Variants in BLOC1S2 observed in about 807,000 individuals in gnomAD.
The protein encoded by BLOC1S2 is biogenesis of lysosome-related organelles complex 1 subunit 2.
A neutral mutation model predicts 19.6 loss-of-function variants in BLOC1S2; 12 were observed. The ratio of observed to expected loss-of-function variants is 0.61; its 90% CI spans 0.39 to 0.99. The LOEUF is 0.99. BLOC1S2 is among the 50% of genes least tolerant of loss of function. BLOC1S2 has a pLI of 0.00. For synonymous variants in BLOC1S2, 66 were observed against 64.1 expected (o/e 1.03, Z -0.14); for missense variants, 142 against 171.0 (o/e 0.83, Z 0.95).
chr10:100,273,386 T>TA lies in BLOC1S2; in HGVS notation c.*2075dup, dbSNP rs1462590049. 1 of 152,126 alleles carries TA rather than the reference T, an allele frequency of 6.6e-6. No individual in the cohort carries two copies. The highest frequency in any genetic ancestry group is 2.4e-5 in the African/African-American group (1 of 41,430). 9.4% of individuals were successfully genotyped at this position (152,126 alleles called of 1,614,324 possible). On this transcript the variant is annotated 3_prime_UTR_variant, in exon 5 of 5. Transcript: ENST00000370372. ...AATACATACATCTATTACACATCAA[T>TA]AAAAAAACTCATCCATTAAATTCTG... is the stretch of plus-strand genomic sequence containing the variant.
At chr10:100,276,202 A>C (rs943166264) in intron 4 of BLOC1S2, among the ~76,000 whole-genome samples, 5 of 152,216 alleles carry the variant, frequency 3.3e-5, no homozygotes, top group Admixed American at 2.0e-4. Flanking sequence ...AGCCTACTAC[A>C]AACTACTTTC....
At position 100,275,229 on chromosome 10, in the gene BLOC1S2, T is replaced by C. The variant is rs535904434; in HGVS notation, c.*233A>G. 2.2e-6 allele frequency: 1 copy of C among 464,456 alleles called. No individual in the cohort carries two copies. Among genetic ancestry groups the C allele is most frequent in the Non-Finnish European group, 3.8e-6 (1 of 260,800 alleles). 28.8% of individuals were successfully genotyped at this position (464,456 alleles called of 1,614,324 possible). ...TCTCTGTCCTGAATATGGCAAAGCA[T>C]TCAAGTAAAAGGTAGGAAGTTATAA... is the stretch of plus-strand genomic sequence containing the variant. On this transcript the variant is annotated 3_prime_UTR_variant, in exon 5 of 5. Coordinates refer to ENST00000370372, the MANE Select transcript of BLOC1S2 (RefSeq NM_173809.5).
rs1848066720 is a variant in BLOC1S2 at position 100,280,134 on chromosome 10, T to C, written c.387A>G (p.Ser129=). ...EQAAYKLDAY[S]KKLEAKYKKL... ...AGTAAAAACGGTTACCCAGTTTTTTTGAATATGCATCCAACTTGTAAGCTG... is the reference window on the plus strand; with the variant it reads ...AGTAAAAACGGTTACCCAGTTTTTTCGAATATGCATCCAACTTGTAAGCTG... Residue 129 remains serine (S), a synonymous_variant, in exon 4 of 5, where the codon TCA becomes TCG. Transcript: ENST00000370372. The C allele has an allele frequency of 6.2e-7, 1 of 1,613,216 alleles. No individual in the cohort carries two copies. The highest frequency in any genetic ancestry group is 1.1e-5 in the South Asian group (1 of 90,800).
intron 4 of BLOC1S2, among the ~76,000 whole-genome samples, chr10:100,275,895 T>C (rs1847836698): frequency 1.3e-5 from 2 of 152,242 alleles, no homozygotes; most frequent in African/African-American, 4.8e-5. Context: ...TCCTGTATGT[T>C]CTTATCCTTA....
chr10:100,285,217 G>A (rs1458665712), intron 2 of BLOC1S2, among the ~76,000 whole-genome samples: 4 of 152,120 alleles, frequency 2.6e-5, no homozygotes, highest in Non-Finnish European at 5.9e-5. Flanking sequence ...TTGAGATGCT[G>A]TACTGGACCA....
chr10:100,280,355 G>C lies in BLOC1S2; in HGVS notation c.293-127C>G. ...TAAGACAGATTAGGTGGCGTGACAT[G>C]ATTCTGAGCACTAGCAGGGCAGATG... On this transcript the variant is annotated intron_variant, in intron 3 of 4. Coordinates refer to ENST00000370372, the MANE Select transcript of BLOC1S2 (RefSeq NM_173809.5). 3 of 762,700 alleles carry C rather than the reference G, an allele frequency of 3.9e-6. No homozygotes were observed. The South Asian group carries it at 7.0e-5, about 18-fold the overall frequency. 47.2% of individuals were successfully genotyped at this position (762,700 alleles called of 1,614,324 possible).
rs868081414 is a variant in BLOC1S2, at chr10:100,273,869, G to A, written c.*1593C>T. 2.6e-5 allele frequency: 4 copies of A among 151,820 alleles called. No homozygotes were observed. Among genetic ancestry groups the A allele is most frequent in the Admixed American group, 6.6e-5 (1 of 15,238 alleles). 9.4% of individuals were successfully genotyped at this position (151,820 alleles called of 1,614,324 possible). A position where few individuals can be genotyped will look rare whatever the true frequency, so the allele number is the denominator to read the frequency against. On this transcript the variant is annotated 3_prime_UTR_variant, in exon 5 of 5. Transcript: ENST00000370372. ...AAAAAAAATAGATCAATACATGCAC[G>A]GAAAAGGAAAAGGGTTGGAAGAAGG...
intron 4 of BLOC1S2, among the ~76,000 whole-genome samples, chr10:100,275,973 C>T (rs1045184538): frequency 6.6e-6 from 1 of 152,064 alleles, no homozygotes; most frequent in African/African-American, 2.4e-5. Flanking sequence ...AAGCCTCTTA[C>T]TCTGACATTC....
chr10:100,285,499 T>G (rs1037574519), intron 2 of BLOC1S2, among the ~76,000 whole-genome samples: 6 of 152,226 alleles, frequency 3.9e-5, no homozygotes, highest in Admixed American at 3.3e-4. Flanking sequence ...TGACCTCAAG[T>G]GATCCACCAG....
chr10:100,286,195 G>A lies in BLOC1S2; in HGVS notation c.74C>T (p.Thr25Ile). 6.2e-7 allele frequency: 1 copy of A among 1,614,012 alleles called. No homozygotes were observed. The highest frequency in any genetic ancestry group is 8.5e-7 in the Non-Finnish European group (1 of 1,179,940). Residue 25 changes from threonine to isoleucine, a missense_variant, in exon 2 of 5, where the codon ACA becomes ATA. This residue lies in a region of BLOC1S2 where 94 missense variants were observed against 141.3 expected (regional missense o/e 0.67). Transcript: ENST00000370372. The stretch of plus-strand genomic sequence containing the variant: ...AGCAGGCTCCTTTGCTTCCTCAGCT[G>A]TCTCCACGGCGGCATCGTCTGGGCC... The part of the protein sequence containing the change: ...EPARDDAAVE[T>I]AEEAKEPAEA...
intron 4 of BLOC1S2, among the ~76,000 whole-genome samples, chr10:100,277,667 C>G (rs1219438553): frequency 1.6e-5 from 2 of 122,700 alleles, no homozygotes; most frequent in Non-Finnish European, 3.4e-5. Flanking sequence ...GGGGGCTCAG[C>G]CCCCCCGCCC....
chr10:100,277,525 C>CCGGCCAGCCGCCCCG (rs1847936133), intron 4 of BLOC1S2, among the ~76,000 whole-genome samples: 1 of 114,746 alleles, frequency 8.7e-6, no homozygotes, highest in Non-Finnish European at 1.9e-5. Flanking sequence ...AGCCCCCCGC[C>CCGGCCAGCCGCCCCG]TGGCCAGCTG....
At chr10:100,278,138 C>T (rs1207414466) in intron 4 of BLOC1S2, among the ~76,000 whole-genome samples, 6 of 144,836 alleles carry the variant, frequency 4.1e-5, no homozygotes, top group Non-Finnish European at 9.1e-5. Context: ...TCCCGGCCAG[C>T]CACCCCGTCT....
At chr10:100,278,382 G>T (rs1848001182) in intron 4 of BLOC1S2, among the ~76,000 whole-genome samples, 1 of 152,250 alleles carries the variant, frequency 6.6e-6, no homozygotes, top group Non-Finnish European at 1.5e-5. Flanking sequence ...CGGTTTTCTG[G>T]AATAGAAAAG....
At chr10:100,277,838 A>T (rs1301777352) in intron 4 of BLOC1S2, among the ~76,000 whole-genome samples, 28 of 57,962 alleles carry the variant, frequency 4.8e-4, no homozygotes, top group East Asian at 6.6e-4. Flanking sequence ...GAGGTGGGGG[A>T]GTCAGCCCCC....
In BLOC1S2 at chr10:100,274,964, A is replaced by AT; in HGVS notation, c.*497_*498insA. On this transcript the variant is annotated 3_prime_UTR_variant, in exon 5 of 5. Coordinates refer to ENST00000370372, the MANE Select transcript of BLOC1S2 (RefSeq NM_173809.5). ...TTATTTGCAATATTATGGAAAAGTA[A>AT]GTTACCGACATTCACAAGGTGATAA... The AT allele has an allele frequency of 2.5e-6, 1 of 398,766 alleles. No individual in the cohort carries two copies. The highest frequency in any genetic ancestry group is 3.6e-5 in the East Asian group (1 of 28,032). 24.7% of individuals were successfully genotyped at this position (398,766 alleles called of 1,614,324 possible). A position where few individuals can be genotyped will look rare whatever the true frequency, so the allele number is the denominator to read the frequency against.
chr10:100,278,211 G>C (rs1305256147), intron 4 of BLOC1S2, among the ~76,000 whole-genome samples: 1 of 150,072 alleles, frequency 6.7e-6, no homozygotes. Flanking sequence ...AGGGAGGTGG[G>C]GGGGTCAGCC....
intron 4 of BLOC1S2, among the ~76,000 whole-genome samples, chr10:100,277,583 C>T (rs1277103160): frequency 4.9e-5 from 6 of 121,988 alleles, no homozygotes; most frequent in East Asian, 2.5e-4. Context: ...CCCGGCCAGC[C>T]GCTCCGTCCG....
rs368757508 is a variant in BLOC1S2, at chr10:100,286,149, G to C, written c.120C>G (p.Leu40=). The change falls in exon 2 of 5, where the codon CTC becomes CTG. Residue 40 remains leucine (L), a synonymous_variant. Coordinates refer to ENST00000370372, the MANE Select transcript of BLOC1S2 (RefSeq NM_173809.5). The part of the protein sequence containing the change: ...KEPAEADITE[L]CRDMFSKMAT... ...CCATTTTGGAGAACATGTCCCGGCA[G>C]AGCTCAGTGATGTCAGCTTCAGCAG... 3.1e-6 allele frequency: 5 copies of C among 1,614,152 alleles called. No homozygotes were observed. Among genetic ancestry groups the C allele is most frequent in the Non-Finnish European group, 4.2e-6 (5 of 1,179,998 alleles).
Sources: gnomAD v4.1 joint callset for allele counts (sites outside exome capture counted in the v4.1 genomes callset) on GRCh38, gnomAD v4.1.1 for gene constraint, gnomAD v4.1.1 regional missense constraint, MANE v1.5 for transcripts, NCBI Gene and HGNC (gene_info 2026-07-23, HGNC 2026-07-21) for gene names.